ENOX1: variants seen among roughly 807,000 people sequenced by gnomAD.
ENOX1 encodes the protein ecto-NOX disulfide-thiol exchanger 1.
In ENOX1, 42 loss-of-function variants were observed where a neutral mutation model predicts 82.5. That is an observed-to-expected ratio of 0.51 (90% confidence interval 0.40 to 0.66). The LOEUF is 0.66. Ranked by LOEUF, ENOX1 falls within the 30% of genes least tolerant of loss-of-function variation. The pLI is 0.00. For synonymous variants in ENOX1, 271 were observed against 282.2 expected, an observed-to-expected ratio of 0.96 and a Z score of 0.40; for missense variants, 608 against 811.6, an observed-to-expected ratio of 0.75 and a Z score of 3.05.
At chr13:43,765,886 G>A (rs959993386) in intron 1 of ENOX1, among the ~76,000 whole-genome samples, 1 of 152,152 alleles carries the variant, frequency 6.6e-6, no homozygotes, top group Non-Finnish European at 1.5e-5. Context: ...AATAGAGTAT[G>A]ATGTCTTCAC....
intron 12 of ENOX1, among the ~76,000 whole-genome samples, chr13:43,277,415 G>C (rs1317184431): frequency 6.6e-6 from 1 of 152,194 alleles, no homozygotes; most frequent in African/African-American, 2.4e-5. Flanking sequence ...TGATCTCTGA[G>C]AGGTCAAGAT....
intron 12 of ENOX1, among the ~76,000 whole-genome samples, chr13:43,289,787 C>T (rs2045899448): frequency 6.6e-6 from 1 of 152,242 alleles, no homozygotes; most frequent in African/African-American, 2.4e-5. Context: ...AGTAAACAGA[C>T]AACCTACACA....
At position 43,361,211 on chromosome 13, in the gene ENOX1, A is replaced by G. The variant is rs1442095181; in HGVS notation, c.382+68T>C. 6 of 1,515,424 alleles carry G rather than the reference A, an allele frequency of 4.0e-6. No individual in the cohort carries two copies. In the African/African-American group the frequency reaches 8.3e-5, roughly 21 times the overall value. The allele number at this position is 1,515,424 out of a possible 1,614,324, so 93.9% of individuals were successfully genotyped here. A position where few individuals can be genotyped will look rare whatever the true frequency, so the allele number is the denominator to read the frequency against. On this transcript the variant is annotated intron_variant, in intron 6 of 16. Transcript: ENST00000690772. The stretch of plus-strand genomic sequence containing the variant: ...TGAGTCACATCTGAAAATGACTGCA[A>G]TGCCATTTTAAAATTTAAAAAGAAA...
chr13:43,601,294 G>C (rs555851584), intron 2 of ENOX1, among the ~76,000 whole-genome samples: 1 of 152,250 alleles, frequency 6.6e-6, no homozygotes, highest in South Asian at 2.1e-4. Flanking sequence ...AGATAGCACA[G>C]AGAAGGAATT....
At chr13:43,540,666 G>A (rs1189158888) in intron 2 of ENOX1, among the ~76,000 whole-genome samples, 4 of 152,250 alleles carry the variant, frequency 2.6e-5, no homozygotes, top group African/African-American at 9.6e-5. Context: ...GCTTTGTGGG[G>A]TTGTTGACTT....
chr13:43,371,443 G>C (rs944138273), intron 5 of ENOX1, among the ~76,000 whole-genome samples: 5 of 152,092 alleles, frequency 3.3e-5, no homozygotes, highest in Admixed American at 6.5e-5. Flanking sequence ...TAATAGCCTG[G>C]TGACACCATA....
chr13:43,727,029 T>C (rs1230766906), intron 1 of ENOX1, among the ~76,000 whole-genome samples: 2 of 152,108 alleles, frequency 1.3e-5, no homozygotes, highest in African/African-American at 4.8e-5. Flanking sequence ...GGCGTGTGCA[T>C]GGATTTTTGT....
At chr13:43,325,206 A>G (rs2048042781) in intron 10 of ENOX1, among the ~76,000 whole-genome samples, 1 of 152,150 alleles carries the variant, frequency 6.6e-6, no homozygotes. Context: ...CCCCTGAAAA[A>G]TTAAAGAGAA....
intron 2 of ENOX1, among the ~76,000 whole-genome samples, chr13:43,607,701 T>C (rs2082035390): frequency 6.6e-6 from 1 of 152,228 alleles, no homozygotes; most frequent in South Asian, 2.1e-4. Context: ...CAGAGGTTAC[T>C]GCTCACCAAT....
intron 2 of ENOX1, among the ~76,000 whole-genome samples, chr13:43,541,818 G>T (rs1156877655): frequency 6.6e-6 from 1 of 152,202 alleles, no homozygotes; most frequent in Non-Finnish European, 1.5e-5. Flanking sequence ...TATTGGGCCT[G>T]CATTCCATTT....
At chr13:43,222,384 C>T (rs2041836745) in intron 16 of ENOX1, among the ~76,000 whole-genome samples, 1 of 150,498 alleles carries the variant, frequency 6.6e-6, no homozygotes, top group Non-Finnish European at 1.5e-5. Context: ...TGATTTTACA[C>T]ACACACACAC....
Position 43,652,013 on chromosome 13 carries a change from T to C in ENOX1, c.-219+15466A>G, listed in dbSNP as rs182637768. ...AAAAAAACTTCACTTTGAATCTTTT[T>C]GATTGTTATATCTATTCTGTAAGTG... On this transcript the variant is annotated intron_variant, in intron 2 of 16. Coordinates refer to ENST00000690772, the MANE Select transcript of ENOX1 (RefSeq NM_001347969.2). Among the ~76,000 whole-genome samples the C allele has an allele frequency of 3.2e-3, 480 of 151,778 alleles. 4 individuals are homozygous for C. Among genetic ancestry groups the C allele is most frequent in the African/African-American group, 0.011 (461 of 41,376 alleles).
intron 2 of ENOX1, among the ~76,000 whole-genome samples, chr13:43,664,926 C>A (rs887674010): frequency 6.6e-6 from 1 of 152,210 alleles, no homozygotes; most frequent in East Asian, 1.9e-4. Flanking sequence ...AAATCCACTG[C>A]TGTCTAAGCC....
chr13:43,628,193 C>A (rs536316302), intron 2 of ENOX1, among the ~76,000 whole-genome samples: 1 of 152,274 alleles, frequency 6.6e-6, no homozygotes, highest in Non-Finnish European at 1.5e-5. Context: ...TTTTCCAGCA[C>A]TGCTCTCTTT....
At chr13:43,640,523 T>C (rs967250098) in intron 2 of ENOX1, among the ~76,000 whole-genome samples, 13 of 152,184 alleles carry the variant, frequency 8.5e-5, no homozygotes, top group African/African-American at 3.1e-4. Context: ...CAGAAACCTA[T>C]AAGGAGCAGG....
Position 43,412,033 on chromosome 13 carries a change from T to C in ENOX1, c.91A>G (p.Ile31Val), listed in dbSNP as rs1314835191. ...MAAAADGLGS[I>V]AIDTTQLNMS... ...TTGAGCTGGGTCGTGTCTATCGCTA[T>C]ACTCCCCAAACCATCGGCTGCTGTG... The change falls in exon 5 of 17, where the codon ATA becomes GTA. Residue 31 changes from isoleucine (I) to valine (V), a missense_variant. By Grantham distance (29) the Ile-to-Val change is conservative. Coordinates refer to ENST00000690772, the MANE Select transcript of ENOX1 (RefSeq NM_001347969.2). 13 of 1,614,122 alleles carry C rather than the reference T, an allele frequency of 8.1e-6. No homozygotes were observed. The highest frequency in any genetic ancestry group is 1.1e-5 in the Non-Finnish European group (13 of 1,179,980).
At chr13:43,335,117 A>G (rs1422603909) in intron 9 of ENOX1, among the ~76,000 whole-genome samples, 1 of 152,208 alleles carries the variant, frequency 6.6e-6, no homozygotes, top group Non-Finnish European at 1.5e-5. Flanking sequence ...AAACTTTATA[A>G]GGAAAGGAAC....
chr13:43,334,084 G>A (rs2048565899), intron 9 of ENOX1, among the ~76,000 whole-genome samples: 1 of 152,202 alleles, frequency 6.6e-6, no homozygotes, highest in South Asian at 2.1e-4. Flanking sequence ...ACCTACCAAA[G>A]GTGAAACTCT....
chr13:43,569,750 C>T (rs1482612565), intron 2 of ENOX1, among the ~76,000 whole-genome samples: 2 of 151,886 alleles, frequency 1.3e-5, no homozygotes, highest in Non-Finnish European at 2.9e-5. Flanking sequence ...AACAATGAGC[C>T]TTTTAAAGCT....
Sources: allele counts gnomAD v4.1 joint callset (sites outside exome capture counted in the v4.1 genomes callset), GRCh38; gene constraint gnomAD v4.1.1; transcripts MANE v1.5; gene names NCBI Gene and HGNC (gene_info 2026-07-23, HGNC 2026-07-21).